The following GAS7 variants were observed in gnomAD, a reference collection of about 807,000 sequenced individuals.
GAS7 encodes growth arrest specific 7, also known as growth arrest-specific protein 7.
In GAS7, 28 loss-of-function variants were observed where a neutral mutation model predicts 71.1. That is an observed-to-expected ratio of 0.39 (90% CI 0.29 to 0.54). The LOEUF is 0.54. Among genes scored for constraint, GAS7 ranks in the 20% least tolerant of loss-of-function variants. The probability of loss-of-function intolerance (pLI) is 0.62; values close to 1 mark genes in which losing one functional copy is unlikely to be tolerated. For missense variants in GAS7, 436 were observed against 627.8 expected (o/e 0.69, Z 3.27); for synonymous variants, 258 against 245.8 (o/e 1.05, Z -0.46).
intron 1 of GAS7, among the ~76,000 whole-genome samples, chr17:10,041,892 A>T (rs912366315): frequency 6.6e-6 from 1 of 152,226 alleles, no homozygotes; most frequent in Non-Finnish European, 1.5e-5. Context: ...AGATAAGACC[A>T]ACCCTCTTAT....
rs567541547 is a variant in GAS7, at chr17:10,117,799, C to T, written c.183+80409G>A. 1.2e-4 allele frequency among the ~76,000 whole-genome samples: 18 copies of T among 152,244 alleles called. No individual in the cohort carries two copies. The South Asian group carries it at 3.3e-3, about 28-fold the overall frequency. ...ATTGTGGTGGCAGCTGTGGCTCAGT[C>T]CAAGGCTACAGTGGTAGGGTGGTGA... On this transcript the variant is annotated intron_variant, in intron 1 of 13. Coordinates refer to ENST00000432992, the MANE Select transcript of GAS7 (RefSeq NM_201433.2).
intron 1 of GAS7, among the ~76,000 whole-genome samples, chr17:10,040,882 C>T (rs1490319156): frequency 6.6e-6 from 1 of 152,146 alleles, no homozygotes; most frequent in Admixed American, 6.5e-5. Context: ...TAAAAGCGGG[C>T]CGGGCACGGT....
chr17:10,174,507 A>G (rs911826813), intron 1 of GAS7, among the ~76,000 whole-genome samples: 1 of 151,936 alleles, frequency 6.6e-6, no homozygotes, highest in African/African-American at 2.4e-5. Context: ...CCTGGCTAAC[A>G]TGGTGAAACC....
intron 1 of GAS7, among the ~76,000 whole-genome samples, chr17:10,076,639 A>C (rs573346405): frequency 1.3e-5 from 2 of 152,224 alleles, no homozygotes; most frequent in Non-Finnish European, 1.5e-5. Context: ...AATATTCTAC[A>C]GTAACTAACT....
chr17:10,023,150 C>T (rs777590958), intron 1 of GAS7, among the ~76,000 whole-genome samples: 1 of 152,222 alleles, frequency 6.6e-6, no homozygotes, highest in Non-Finnish European at 1.5e-5. Flanking sequence ...GAGGAGGGCA[C>T]TGGGGCCACC....
intron 1 of GAS7, among the ~76,000 whole-genome samples, chr17:10,091,028 C>T (rs947992019): frequency 4.6e-5 from 7 of 152,242 alleles, no homozygotes; most frequent in Admixed American, 3.9e-4. Flanking sequence ...CCCTTCTCAC[C>T]GCCTCTCTCC....
chr17:10,151,282 G>C (rs544003465), intron 1 of GAS7, among the ~76,000 whole-genome samples: 1 of 152,110 alleles, frequency 6.6e-6, no homozygotes, highest in African/African-American at 2.4e-5. Context: ...TGGGACTATA[G>C]GCACAGGCCA....
At chr17:10,007,516 C>G (rs1388405233) in intron 2 of GAS7, among the ~76,000 whole-genome samples, 1 of 148,744 alleles carries the variant, frequency 6.7e-6, no homozygotes, top group South Asian at 2.1e-4. Flanking sequence ...CCCAGCTACT[C>G]GGGAGGCTGA....
chr17:10,133,737 T>C (rs2074017363), intron 1 of GAS7, among the ~76,000 whole-genome samples: 1 of 131,884 alleles, frequency 7.6e-6, no homozygotes, highest in South Asian at 2.8e-4. Context: ...ACCATTCTAC[T>C]CTTTGCTTCT....
chr17:10,184,408 C>T (rs934323668), intron 1 of GAS7, among the ~76,000 whole-genome samples: 2 of 152,216 alleles, frequency 1.3e-5, no homozygotes, highest in Admixed American at 1.3e-4. Flanking sequence ...ATTCCAAAAC[C>T]TGTGTTCTTT....
At chr17:9,939,614 C>CCTTTTTTT (rs1555596733) in intron 8 of GAS7, among the ~76,000 whole-genome samples, 6 of 144,352 alleles carry the variant, frequency 4.2e-5, no homozygotes, top group African/African-American at 1.5e-4. Context: ...GTGGAAGTGC[C>CCTTTTTTT]TTTTTTTTTT....
intron 1 of GAS7, among the ~76,000 whole-genome samples, chr17:10,160,939 T>TACACACACACACACACACACACACAC (rs61578754): frequency 7.2e-5 from 10 of 139,604 alleles, no homozygotes; most frequent in African/African-American, 2.7e-4. Context: ...ATTGAAACCA[T>TACACACACACACACACACACACACAC]ACACACACAC....
At chr17:10,148,776 G>A (rs1034533555) in intron 1 of GAS7, among the ~76,000 whole-genome samples, 25 of 151,946 alleles carry the variant, frequency 1.6e-4, no homozygotes, top group Admixed American at 6.6e-4. Flanking sequence ...TGGGCATGGT[G>A]GCGGGTGCCT....
chr17:10,198,481 G>T lies in GAS7; in HGVS notation c.-91C>A. On this transcript the variant is annotated 5_prime_UTR_variant, in exon 1 of 14. Coordinates refer to ENST00000432992, the MANE Select transcript of GAS7 (RefSeq NM_201433.2). Reference sequence around the variant, plus strand: ...CTCCGCGGGGTCCCAGGCGCCCGGCGCTCCGGGCTCCCGCGCTCTGGGCGC... The same window carrying T: ...CTCCGCGGGGTCCCAGGCGCCCGGCTCTCCGGGCTCCCGCGCTCTGGGCGC... 1.1e-6 allele frequency: 1 copy of T among 950,664 alleles called. No individual in the cohort carries two copies. The highest frequency in any genetic ancestry group is 3.4e-5 in the East Asian group (1 of 29,704). The allele number at this position is 950,664 out of a possible 1,614,324, so 58.9% of individuals were successfully genotyped here. A position where few individuals can be genotyped will look rare whatever the true frequency, so the allele number is the denominator to read the frequency against.
chr17:9,943,951 T>C (rs533460050), intron 6 of GAS7, among the ~76,000 whole-genome samples: 8 of 152,320 alleles, frequency 5.3e-5, no homozygotes, highest in African/African-American at 1.9e-4. Context: ...CTGAGCACAT[T>C]GCTGAGCACA....
At position 10,034,835 on chromosome 17, in the gene GAS7, C is replaced by T. The variant is rs1597731302; in HGVS notation, c.184-14938G>A. 6.6e-6 allele frequency among the ~76,000 whole-genome samples: 1 copy of T among 152,134 alleles called. No homozygotes were observed. Among genetic ancestry groups the T allele is most frequent in the Non-Finnish European group, 1.5e-5 (1 of 68,036 alleles). On this transcript the variant is annotated intron_variant, in intron 1 of 13. Transcript: ENST00000432992. The surrounding 1 kb of genome is among the most constrained non-coding windows in gnomAD (Gnocchi z 4.4). ...CTGAGTTCTGTCCTGATGCGTCCAC[C>T]TCTTCCCTGTCACTCCTCCGAGCCA...
chr17:9,949,783 T>A (rs2068933412), intron 5 of GAS7, among the ~76,000 whole-genome samples: 1 of 145,122 alleles, frequency 6.9e-6, no homozygotes, highest in Non-Finnish European at 1.5e-5. Context: ...CCTCCTCCCT[T>A]CCTCTCCTCC....
rs1414626221 is a variant in GAS7 at position 10,198,497 on chromosome 17, C to T, written c.-107G>A. Reference sequence around the variant, plus strand: ...GCGCCCGGCGCTCCGGGCTCCCGCGCTCTGGGCGCGCGCCGTCTCTGGGGT... The same window carrying T: ...GCGCCCGGCGCTCCGGGCTCCCGCGTTCTGGGCGCGCGCCGTCTCTGGGGT... On this transcript the variant is annotated 5_prime_UTR_variant, in exon 1 of 14. Coordinates refer to ENST00000432992, the MANE Select transcript of GAS7 (RefSeq NM_201433.2). 5.1e-6 allele frequency: 4 copies of T among 778,196 alleles called. No individual in the cohort carries two copies. In the Admixed American group the frequency reaches 1.7e-4, roughly 34 times the overall value. 48.2% of individuals were successfully genotyped at this position (778,196 alleles called of 1,614,324 possible).
In GAS7 at chr17:10,072,512, G is replaced by A. The variant is rs73273822; in HGVS notation, c.184-52615C>T. On this transcript the variant is annotated intron_variant, in intron 1 of 13. Transcript: ENST00000432992. Reference sequence around the variant, plus strand: ...GAAGGCCAAGACTCTGTGTAGAGAAGAGCCAAGGCAGGAGTCCCATGAGCA... The same window carrying A: ...GAAGGCCAAGACTCTGTGTAGAGAAAAGCCAAGGCAGGAGTCCCATGAGCA... Among the ~76,000 whole-genome samples the A allele has an allele frequency of 8.8e-3, 1,346 of 152,236 alleles. 14 individuals are homozygous for A. Among genetic ancestry groups the A allele is most frequent in the African/African-American group, 0.031 (1,285 of 41,540 alleles).
Sources: gnomAD v4.1 joint callset for allele counts (sites outside exome capture counted in the v4.1 genomes callset) on GRCh38, gnomAD v4.1.1 for gene constraint, Gnocchi (gnomAD v3.1) non-coding constraint, MANE v1.5 for transcripts, NCBI Gene and HGNC (gene_info 2026-07-23, HGNC 2026-07-21) for gene names.